Variants in DOCK3 observed in about 807,000 individuals in gnomAD.
DOCK3 encodes the protein dedicator of cytokinesis 3, also known as dedicator of cytokinesis protein 3.
A neutral mutation model predicts 265.6 loss-of-function variants in DOCK3; 60 were observed. The ratio of observed to expected loss-of-function variants is 0.23; its 90% CI spans 0.18 to 0.28. The LOEUF (loss-of-function observed/expected upper bound fraction) is 0.28. Ranked by LOEUF, DOCK3 falls within the 10% of genes least tolerant of loss-of-function variation. The pLI is 1.00. For synonymous variants in DOCK3, 881 were observed against 938.0 expected, an observed-to-expected ratio of 0.94 and a Z score of 1.11; for missense variants, 1,981 against 2,594.3, an observed-to-expected ratio of 0.76 and a Z score of 5.14.
intron 22 of DOCK3, among the ~76,000 whole-genome samples, chr3:51,256,589 TTTTG>T (rs2079560710): frequency 6.8e-6 from 1 of 146,078 alleles, no homozygotes; most frequent in African/African-American, 2.5e-5. Flanking sequence ...GAGTTTTCGT[TTTTG>T]TTTTTTTTTT....
At chr3:50,767,311 G>C (rs2040955021) in intron 1 of DOCK3, among the ~76,000 whole-genome samples, 1 of 152,120 alleles carries the variant, frequency 6.6e-6, no homozygotes, top group Admixed American at 6.5e-5. Flanking sequence ...TGTAAGGAAG[G>C]GCTCCAGTTT....
rs552868615 is a variant in DOCK3, at chr3:51,269,798, G to A, written c.2356-1017G>A. Among the ~76,000 whole-genome samples the A allele has an allele frequency of 2.0e-5, 3 of 152,232 alleles. 1 individual carries two copies. In the South Asian group the frequency reaches 6.2e-4, roughly 32 times the overall value. ...TAATAAGAACCAGCATGTATCAAAG[G>A]CCTATTGTGTTCCAGGCACTCTACT... is the stretch of plus-strand genomic sequence containing the variant. On this transcript the variant is annotated intron_variant, in intron 23 of 52. Transcript: ENST00000266037.
At chr3:51,049,113 C>T (rs1575881279) in intron 5 of DOCK3, among the ~76,000 whole-genome samples, 1 of 152,232 alleles carries the variant, frequency 6.6e-6, no homozygotes, top group East Asian at 1.9e-4. Context: ...ATTCCTTGAC[C>T]TCAGGAGGTC....
intron 2 of DOCK3, among the ~76,000 whole-genome samples, chr3:50,790,722 G>A (rs1312756235): frequency 2.0e-5 from 3 of 152,084 alleles, no homozygotes; most frequent in Non-Finnish European, 4.4e-5. Context: ...TAGGTTACTT[G>A]ATGCTTTTGC....
rs565069832 is a variant in DOCK3 at position 51,029,945 on chromosome 3, C to T, written c.316-34503C>T. 3.3e-5 allele frequency among the ~76,000 whole-genome samples: 5 copies of T among 152,016 alleles called. No individual in the cohort carries two copies. In the South Asian group the frequency reaches 8.3e-4, roughly 25 times the overall value. On this transcript the variant is annotated intron_variant, in intron 5 of 52. Coordinates refer to ENST00000266037, the MANE Select transcript of DOCK3 (RefSeq NM_004947.5). ...TTCCTGAGAAGATCTCTAATTGCCA[C>T]CTATTGTGTTTCCCTGGGACACGGG...
intron 9 of DOCK3, among the ~76,000 whole-genome samples, chr3:51,121,270 C>T (rs774096455): frequency 7.9e-5 from 12 of 152,256 alleles, no homozygotes; most frequent in East Asian, 7.7e-4. Flanking sequence ...CTTGTGCTTT[C>T]GGGGTGAGGC....
At chr3:51,138,400 A>C (rs568665092) in intron 9 of DOCK3, among the ~76,000 whole-genome samples, 2 of 152,350 alleles carry the variant, frequency 1.3e-5, no homozygotes, top group East Asian at 3.9e-4. Flanking sequence ...GAAGTGAAAA[A>C]AACAGTTATT....
chr3:51,273,742 A>G (rs79468137), intron 24 of DOCK3, among the ~76,000 whole-genome samples: 148 of 152,344 alleles, frequency 9.7e-4, no homozygotes, highest in Non-Finnish European at 1.9e-3. Flanking sequence ...TGAATTTCAT[A>G]TGGAACTCTT....
intron 5 of DOCK3, among the ~76,000 whole-genome samples, chr3:51,029,858 T>C (rs2079976340): frequency 6.6e-6 from 1 of 152,160 alleles, no homozygotes; most frequent in African/African-American, 2.4e-5. Flanking sequence ...ACCTGCCATC[T>C]CAGTCTGCAT....
At chr3:51,206,329 G>A (rs2089206026) in intron 12 of DOCK3, among the ~76,000 whole-genome samples, 1 of 152,150 alleles carries the variant, frequency 6.6e-6, no homozygotes, top group African/African-American at 2.4e-5. Flanking sequence ...TACAAGTTTT[G>A]CTACATGGTG....
chr3:50,986,492 A>G (rs1319467364), intron 5 of DOCK3, among the ~76,000 whole-genome samples: 1 of 152,194 alleles, frequency 6.6e-6, no homozygotes, highest in African/African-American at 2.4e-5. Flanking sequence ...ATTCCTACCC[A>G]GTTACACAAT....
At chr3:51,075,892 C>T (rs2082040114) in intron 7 of DOCK3, among the ~76,000 whole-genome samples, 1 of 151,784 alleles carries the variant, frequency 6.6e-6, no homozygotes, top group Non-Finnish European at 1.5e-5. Flanking sequence ...TATGTTGGGT[C>T]GACTAATCAA....
intron 5 of DOCK3, among the ~76,000 whole-genome samples, chr3:50,996,218 C>T (rs1337741417): frequency 6.7e-6 from 1 of 149,300 alleles, no homozygotes; most frequent in African/African-American, 2.5e-5. Flanking sequence ...AGGATTTTTT[C>T]TTAACTTTTT....
rs2085791132 is a variant in DOCK3 at position 51,349,060 on chromosome 3, C to T, written c.4002+122C>T. ...AATACAAGAGAAACAAAAGCCAAGA[C>T]TCCTGCCCTCAGGACACTTGCAGTC... On this transcript the variant is annotated intron_variant, in intron 39 of 52. Transcript: ENST00000266037. 3.3e-6 allele frequency: 3 copies of T among 920,836 alleles called. No individual in the cohort carries two copies. The Admixed American group carries it at 7.5e-5, about 23-fold the overall frequency. 57.0% of individuals were successfully genotyped at this position (920,836 alleles called of 1,614,324 possible).
Position 51,381,553 on chromosome 3 carries a change from G to C in DOCK3, c.6087G>C (p.Glu2029Asp). ...TGGCCTGGGAGCACGGCCGAGGGGA[G>C]CAGTGAGGGGCAACGAGGCGGCTGG... ...ARMAWEHGRG[E>D]Q Residue 2029 changes from glutamate (E) to aspartate (D), a missense_variant, in exon 53 of 53, where the codon GAG (glutamate) becomes GAC (aspartate). Coordinates refer to ENST00000266037, the MANE Select transcript of DOCK3 (RefSeq NM_004947.5). This position sits in a 1 kb window ranked among gnomAD's most constrained non-coding sequence, Gnocchi z 5.6. 1 of 1,518,320 alleles carries C rather than the reference G, an allele frequency of 6.6e-7. No homozygotes were observed. Among genetic ancestry groups the C allele is most frequent in the Non-Finnish European group, 8.8e-7 (1 of 1,137,236 alleles). 94.1% of individuals were successfully genotyped at this position (1,518,320 alleles called of 1,614,324 possible). A position where few individuals can be genotyped will look rare whatever the true frequency, so the allele number is the denominator to read the frequency against.
intron 27 of DOCK3, among the ~76,000 whole-genome samples, chr3:51,292,687 T>C (rs193130664): frequency 2.6e-4 from 40 of 152,250 alleles, no homozygotes; most frequent in Non-Finnish European, 1.6e-4. Flanking sequence ...TTAAAAAATT[T>C]TTTTTCTTGA....
At chr3:50,775,366 C>T (rs564651509) in intron 1 of DOCK3, among the ~76,000 whole-genome samples, 5 of 152,042 alleles carry the variant, frequency 3.3e-5, no homozygotes, top group Admixed American at 1.3e-4. Flanking sequence ...TCTGTAAATT[C>T]GTCTCCCATG....
At chr3:51,265,632 C>T (rs2080120172) in intron 23 of DOCK3, among the ~76,000 whole-genome samples, 1 of 152,136 alleles carries the variant, frequency 6.6e-6, no homozygotes, top group African/African-American at 2.4e-5. Flanking sequence ...CAGAAAAGGC[C>T]TTCAATAAAA....
At chr3:51,236,482 C>A in intron 20 of DOCK3, 54 bp downstream of exon 20, 1 of 1,512,896 alleles carries the variant, frequency 6.6e-7, no homozygotes. Context: ...TCATATATTT[C>A]AGAAAATTTA....
Sources: gnomAD v4.1 joint callset for allele counts (sites outside exome capture counted in the v4.1 genomes callset) on GRCh38, gnomAD v4.1.1 for gene constraint, Gnocchi (gnomAD v3.1) non-coding constraint, MANE v1.5 for transcripts, NCBI Gene and HGNC (gene_info 2026-07-23, HGNC 2026-07-21) for gene names.